The following LARP1B variants were observed in gnomAD, a reference collection of about 807,000 sequenced individuals.
LARP1B encodes the protein La ribonucleoprotein 1B.
In LARP1B, 76 loss-of-function variants were observed where a neutral mutation model predicts 114.2. The observed-to-expected ratio is 0.67, with a 90% CI of 0.55 to 0.81. The LOEUF (loss-of-function observed/expected upper bound fraction) is 0.81, where lower values mean the gene tolerates loss of function less well. Ranked by LOEUF, LARP1B falls within the 30% of genes least tolerant of loss-of-function variation. The pLI, the probability that LARP1B is intolerant of heterozygous loss-of-function variation, is 0.00. For missense variants in LARP1B, 1,014 were observed against 1,075.8 expected (o/e 0.94, Z 0.80); for synonymous variants, 345 against 348.0 (o/e 0.99, Z 0.10).
chr4:128,068,502 T>C (rs1763944176), intron 1 of LARP1B, among the ~76,000 whole-genome samples: 1 of 152,110 alleles, frequency 6.6e-6, no homozygotes, highest in South Asian at 2.1e-4. Context: ...TTTATTTTTG[T>C]TTTTTAAATT....
At chr4:128,070,276 C>T (rs1040719946) in intron 1 of LARP1B, among the ~76,000 whole-genome samples, 6 of 149,510 alleles carry the variant, frequency 4.0e-5, no homozygotes, top group East Asian at 4.0e-4. Flanking sequence ...GCAGAGATTG[C>T]ACCACTGCAC....
intron 7 of LARP1B, chr4:128,092,868 T>C (rs1776380262): frequency 2.0e-6 from 2 of 985,350 alleles, no homozygotes; most frequent in Non-Finnish European, 2.4e-6. Context: ...CTGTCTTTTT[T>C]GTAACTTTTG....
chr4:128,187,806 G>A (rs901630426), intron 15 of LARP1B, among the ~76,000 whole-genome samples: 7 of 152,092 alleles, frequency 4.6e-5, no homozygotes, highest in East Asian at 1.9e-4. Context: ...TTGGATCACC[G>A]GGGCAGTTTC....
At chr4:128,135,185 C>T (rs1422729032) in intron 11 of LARP1B, among the ~76,000 whole-genome samples, 1 of 151,648 alleles carries the variant, frequency 6.6e-6, no homozygotes, top group Admixed American at 6.6e-5. Context: ...GAAGTCACTA[C>T]TCAGAATAGA....
At chr4:128,176,809 G>A in intron 12 of LARP1B, 63 bp from the exon 13 acceptor site, 9 of 1,449,068 alleles carry the variant, frequency 6.2e-6, no homozygotes, top group Non-Finnish European at 8.7e-6. Context: ...TTTAATAAAT[G>A]AAACAATAAA....
At chr4:128,070,531 G>A (rs983562271) in intron 1 of LARP1B, among the ~76,000 whole-genome samples, 4 of 151,500 alleles carry the variant, frequency 2.6e-5, no homozygotes, top group East Asian at 1.9e-4. Flanking sequence ...TGTGGTGGCT[G>A]GCACCTGTAA....
intron 12 of LARP1B, among the ~76,000 whole-genome samples, chr4:128,163,720 C>A (rs998769905): frequency 3.3e-5 from 5 of 152,082 alleles, no homozygotes; most frequent in African/African-American, 1.2e-4. Flanking sequence ...TTTAAATGAT[C>A]ATTGTGAACT....
chr4:128,199,815 G>A (rs1425118118), intron 16 of LARP1B, among the ~76,000 whole-genome samples: 1 of 152,196 alleles, frequency 6.6e-6, no homozygotes, highest in Non-Finnish European at 1.5e-5. Flanking sequence ...GCTGAGCATG[G>A]TGGCTCATGC....
intron 12 of LARP1B, among the ~76,000 whole-genome samples, chr4:128,166,962 C>CTATA (rs1415592949): frequency 3.9e-5 from 4 of 101,978 alleles, no homozygotes; most frequent in African/African-American, 8.0e-5. Flanking sequence ...CTCTCTCTCT[C>CTATA]TCTCTCTCTA....
chr4:128,156,432 A>G (rs1230229143), intron 11 of LARP1B, among the ~76,000 whole-genome samples: 3 of 152,042 alleles, frequency 2.0e-5, no homozygotes, highest in African/African-American at 7.2e-5. Context: ...TTTGCACTAA[A>G]TCAGAGACAA....
intron 7 of LARP1B, 69 bp downstream of exon 7, chr4:128,091,581 G>T (rs1775921207): frequency 3.3e-6 from 4 of 1,208,590 alleles, no homozygotes; most frequent in Non-Finnish European, 3.4e-6. Flanking sequence ...TAATGTCATT[G>T]ATAATGAATA....
chr4:128,062,028 C>CGCCGTT (rs946530634), intron 1 of LARP1B: 14 of 985,018 alleles, frequency 1.4e-5, no homozygotes, highest in Middle Eastern at 5.2e-4. Context: ...CCGCCGCCGT[C>CGCCGTT]GCCGTTGCCG....
At chr4:128,166,968 C>CTATATA (rs1402176736) in intron 12 of LARP1B, among the ~76,000 whole-genome samples, 5 of 81,038 alleles carry the variant, frequency 6.2e-5, no homozygotes, top group Admixed American at 1.3e-4. Context: ...CTCTCTCTCT[C>CTATATA]TCTATATATA....
intron 9 of LARP1B, among the ~76,000 whole-genome samples, chr4:128,110,005 G>A (rs929069685): frequency 7.9e-5 from 12 of 152,132 alleles, no homozygotes; most frequent in Non-Finnish European, 1.5e-4. Context: ...CTGGATTCAA[G>A]CAATTCTCTT....
In LARP1B at chr4:128,122,071, C is replaced by A; in HGVS notation, c.1407C>A (p.Thr469=). 1 of 1,614,014 alleles carries A rather than the reference C, an allele frequency of 6.2e-7. No individual in the cohort carries two copies. Among genetic ancestry groups the A allele is most frequent in the African/African-American group, 1.3e-5 (1 of 75,008 alleles). The change falls in exon 11 of 20, where the codon ACC becomes ACA. Residue 469 remains threonine, a synonymous_variant. Coordinates refer to ENST00000326639, the MANE Select transcript of LARP1B (RefSeq NM_018078.4). Reference sequence around the variant, plus strand: ...ATCCTGGAGGAGATCGAACAGGCACCCACATGTCTCGGGCAAAAATCACAT... The same window carrying A: ...ATCCTGGAGGAGATCGAACAGGCACACACATGTCTCGGGCAAAAATCACAT... ...KKHPGGDRTG[T]HMSRAKITSE... is the part of the protein sequence containing the mutation.
At chr4:128,204,873 A>AAAAG (rs948964179) in intron 17 of LARP1B, among the ~76,000 whole-genome samples, 2 of 151,660 alleles carry the variant, frequency 1.3e-5, no homozygotes, top group South Asian at 2.1e-4. Context: ...AAATTAAAAA[A>AAAAG]AAAGATCCTG....
chr4:128,197,174 T>C (rs1003201590), intron 15 of LARP1B, among the ~76,000 whole-genome samples: 2 of 152,230 alleles, frequency 1.3e-5, no homozygotes, highest in Non-Finnish European at 2.9e-5. Context: ...TATACACTTA[T>C]GAATAGTGTT....
At chr4:128,121,330 T>C (rs1638660867) in intron 10 of LARP1B, among the ~76,000 whole-genome samples, 1 of 152,242 alleles carries the variant, frequency 6.6e-6, no homozygotes, top group African/African-American at 2.4e-5. Flanking sequence ...ATCTATTTAT[T>C]TTTTGAGACA....
chr4:128,191,978 G>A (rs1438318425), intron 15 of LARP1B, among the ~76,000 whole-genome samples: 24 of 152,106 alleles, frequency 1.6e-4, no homozygotes, highest in Admixed American at 1.6e-3. Context: ...CTGTTTGCTT[G>A]GAGTTTTTCA....
Sources: allele counts gnomAD v4.1 joint callset (sites outside exome capture counted in the v4.1 genomes callset), GRCh38; gene constraint gnomAD v4.1.1; transcripts MANE v1.5; gene names NCBI Gene and HGNC (gene_info 2026-07-23, HGNC 2026-07-21).